The following EFCAB12 variants were observed in gnomAD, a reference collection of about 807,000 sequenced individuals.
EFCAB12 encodes EF-hand calcium binding domain 12, also known as EF-hand calcium-binding domain-containing protein 12.
EFCAB12 carries 43 observed loss-of-function variants against 53.6 expected under a neutral mutation model. The observed-to-expected ratio is 0.80, with a 90% CI of 0.63 to 1.03. The LOEUF is 1.03. Among genes scored for constraint, EFCAB12 ranks in the 50% least tolerant of loss-of-function variants. The pLI is 0.00. For synonymous variants in EFCAB12, 269 were observed against 289.2 expected (o/e 0.93, Z 0.71); for missense variants, 646 against 730.6 (o/e 0.88, Z 1.34).
At chr3:129,408,961 G>T in intron 5 of EFCAB12, 103 bp from the exon 6 acceptor site, 1 of 1,341,366 alleles carries the variant, frequency 7.5e-7, no homozygotes, top group Non-Finnish European at 1.0e-6. Flanking sequence ...CCCCTGCGAG[G>T]TCCCCATGAG....
At chr3:129,409,805 A>G (rs922840785) in intron 5 of EFCAB12, among the ~76,000 whole-genome samples, 2 of 152,190 alleles carry the variant, frequency 1.3e-5, no homozygotes, top group Non-Finnish European at 2.9e-5. Flanking sequence ...CACCAGGCCT[A>G]AAATGTTTAC....
chr3:129,409,013 T>A (rs929335995), intron 5 of EFCAB12, among the ~76,000 whole-genome samples, 155 bp from the exon 6 acceptor site: 2 of 152,220 alleles, frequency 1.3e-5, no homozygotes, highest in Non-Finnish European at 2.9e-5. Context: ...CAGTTCCGGT[T>A]CTGAAGTCAG....
Position 129,421,478 on chromosome 3 carries a change from C to T in EFCAB12, c.375G>A (p.Trp125Ter). 1 of 1,614,032 alleles carries T rather than the reference C, an allele frequency of 6.2e-7. No homozygotes were observed. Among genetic ancestry groups the T allele is most frequent in the South Asian group, 1.1e-5 (1 of 91,092 alleles). Residue 125 changes from tryptophan to a stop codon, truncating the protein, a stop_gained, in exon 2 of 9, where the codon TGG (tryptophan) becomes TGA (stop). Coordinates refer to ENST00000505956, the MANE Select transcript of EFCAB12 (RefSeq NM_207307.3). LOFTEE classifies it high-confidence loss of function. The part of the protein sequence containing the change: ...ELESFGDVKR[W>*]LENKPSITPS... ...GCGTGATGCTGGGCTTGTTCTCCAG[C>T]CACCTCTTTACATCACCAAAGGACT...
intron 8 of EFCAB12, 111 bp downstream of exon 8, chr3:129,402,412 G>T: frequency 1.6e-6 from 2 of 1,221,920 alleles, no homozygotes; most frequent in Non-Finnish European, 1.2e-6. Context: ...TCTCAGGCCA[G>T]GGCACCGAGC....
At chr3:129,410,999 T>A (rs568677663) in intron 5 of EFCAB12, among the ~76,000 whole-genome samples, 159 bp downstream of exon 5, 1 of 152,310 alleles carries the variant, frequency 6.6e-6, no homozygotes, top group South Asian at 2.1e-4. Context: ...CAGGTATTGT[T>A]CTTATTTTAC....
At chr3:129,417,830 A>T (rs1454651106) in intron 3 of EFCAB12, among the ~76,000 whole-genome samples, 3 of 140,318 alleles carry the variant, frequency 2.1e-5, no homozygotes, top group African/African-American at 7.9e-5. Flanking sequence ...TCTTTTGATG[A>T]CCCACAGATG....
At position 129,421,544 on chromosome 3, in the gene EFCAB12, C is replaced by T. The variant is rs764032358; in HGVS notation, c.309G>A (p.Lys103=). The change falls in exon 2 of 9, where the codon AAG becomes AAA. Residue 103 remains lysine (K), a synonymous_variant. Transcript: ENST00000505956. ...RDIQEQPEDR[K]TWLSQRSKLR... ...GCTTCGACCTCTGGCTCAGCCAGGT[C>T]TTCCTGTCCTCTGGCTGCTCTTGGA... is the stretch of plus-strand genomic sequence containing the variant. 6.2e-7 allele frequency: 1 copy of T among 1,614,044 alleles called. No individual in the cohort carries two copies. The highest frequency in any genetic ancestry group is 8.5e-7 in the Non-Finnish European group (1 of 1,179,904).
chr3:129,424,310 T>G (rs867482084), intron 1 of EFCAB12, among the ~76,000 whole-genome samples: 3 of 152,350 alleles, frequency 2.0e-5, no homozygotes, highest in Middle Eastern at 3.4e-3. Flanking sequence ...TGTTAAATTA[T>G]AATCCCCATT....
chr3:129,406,067 G>T (rs1227312702), intron 6 of EFCAB12, among the ~76,000 whole-genome samples: 1 of 144,284 alleles, frequency 6.9e-6, no homozygotes, highest in East Asian at 3.0e-4. Context: ...AAAAAAAGTG[G>T]CTCGATATTC....
intron 4 of EFCAB12, chr3:129,415,007 A>C: frequency 2.5e-6 from 1 of 401,822 alleles, no homozygotes; most frequent in Non-Finnish European, 4.3e-6. Flanking sequence ...CTCTAAGAAC[A>C]AGGGCTGGGA....
chr3:129,427,475 C>A (rs1200664587), intron 1 of EFCAB12, among the ~76,000 whole-genome samples: 4 of 152,152 alleles, frequency 2.6e-5, no homozygotes, highest in Admixed American at 2.0e-4. Context: ...GACCAACCAG[C>A]CCCCAAGTCC....
intron 5 of EFCAB12, among the ~76,000 whole-genome samples, chr3:129,409,555 A>T (rs922287903): frequency 3.9e-5 from 6 of 152,238 alleles, no homozygotes; most frequent in African/African-American, 1.4e-4. Flanking sequence ...CTGGCGGAGC[A>T]GGTAGCTGCT....
chr3:129,406,113 C>T (rs1461000020), intron 6 of EFCAB12, among the ~76,000 whole-genome samples: 1 of 151,830 alleles, frequency 6.6e-6, no homozygotes, highest in African/African-American at 2.4e-5. Context: ...GAGGGGAAGA[C>T]CTAACCCAGA....
chr3:129,410,103 G>T (rs2072015719), intron 5 of EFCAB12, among the ~76,000 whole-genome samples: 1 of 151,886 alleles, frequency 6.6e-6, no homozygotes, highest in African/African-American at 2.4e-5. Flanking sequence ...GGCCTCCCAG[G>T]TTCAAGCCAT....
intron 4 of EFCAB12, chr3:129,412,939 C>T (rs60166811): frequency 0.12 from 17,716 of 152,294 alleles, 1,225 homozygotes; most frequent in African/African-American, 0.18. Flanking sequence ...CCCATTGTCC[C>T]TGCCCTGGTT....
chr3:129,407,983 C>T lies in EFCAB12; in HGVS notation c.1249+662G>A, dbSNP rs138190782. The stretch of plus-strand genomic sequence containing the variant: ...TGCAGGCATTGCTAAATTGTCATCT[C>T]GGGGCTGGGCCCTTCTCCGCTCCCA... On this transcript the variant is annotated intron_variant, in intron 6 of 8. Transcript: ENST00000505956. Among the ~76,000 whole-genome samples the T allele has an allele frequency of 9.7e-4, 148 of 152,326 alleles. 2 individuals are homozygous for T. The East Asian group carries it at 0.018, about 18-fold the overall frequency.
In EFCAB12 at chr3:129,424,581, TA is replaced by T. The variant is rs1169971900; in HGVS notation, c.50-2779del. ...GAGTCAATTAAACCTCATCTCTTTA[TA>T]AATTACCTAGTCTCAGGTAGTTCTT... On this transcript the variant is annotated intron_variant, in intron 1 of 8. Transcript: ENST00000505956. Among the ~76,000 whole-genome samples the T allele has an allele frequency of 2.6e-5, 4 of 152,360 alleles. 1 individual carries two copies. The South Asian group carries it at 8.3e-4, about 32-fold the overall frequency.
chr3:129,411,409 C>T (rs554326642), intron 4 of EFCAB12, 55 bp from the exon 5 acceptor site: 66 of 1,503,166 alleles, frequency 4.4e-5, no homozygotes, highest in Admixed American at 2.3e-4. Flanking sequence ...TGCCCAGCCA[C>T]GGAACCTGCC....
Position 129,405,914 on chromosome 3 carries a change from C to T in EFCAB12, c.1250-1511G>A, listed in dbSNP as rs570427692. 6.6e-5 allele frequency among the ~76,000 whole-genome samples: 10 copies of T among 152,270 alleles called. No individual in the cohort carries two copies. In the South Asian group the frequency reaches 1.9e-3, roughly 28 times the overall value. ...GAAGCTCACTCATGTAGGAACCCAGCAGCTAGCAGAAGCCAGGGGTGGATG... is the reference window on the plus strand; with the variant it reads ...GAAGCTCACTCATGTAGGAACCCAGTAGCTAGCAGAAGCCAGGGGTGGATG... On this transcript the variant is annotated intron_variant, in intron 6 of 8. Coordinates refer to ENST00000505956, the MANE Select transcript of EFCAB12 (RefSeq NM_207307.3).
Sources: gnomAD v4.1 joint callset for allele counts (sites outside exome capture counted in the v4.1 genomes callset) on GRCh38, gnomAD v4.1.1 for gene constraint, MANE v1.5 for transcripts, NCBI Gene and HGNC (gene_info 2026-07-23, HGNC 2026-07-21) for gene names.